DYSF: variants seen among roughly 807,000 people sequenced by gnomAD.
The protein encoded by DYSF is dystrophy-associated fer-1-like 1.
DYSF carries 212 observed loss-of-function variants against 274.9 expected under a neutral mutation model. The observed-to-expected ratio is 0.77, with a 90% CI of 0.69 to 0.86. The LOEUF (loss-of-function observed/expected upper bound fraction) is 0.86. Ranked by LOEUF, DYSF falls within the 40% of genes least tolerant of loss-of-function variation. The pLI is 0.00. For synonymous variants in DYSF, 1,091 were observed against 1,078.7 expected (o/e 1.01, Z -0.22); for missense variants, 2,666 against 2,783.2 (o/e 0.96, Z 0.95).
At chr2:71,632,197 AG>A (rs2094326365) in intron 41 of DYSF, among the ~76,000 whole-genome samples, 1 of 152,180 alleles carries the variant, frequency 6.6e-6, no homozygotes, top group Non-Finnish European at 1.5e-5. Flanking sequence ...AGTGCTTGGA[AG>A]TTGGTACAGC....
chr2:71,582,910 G>A (rs2092941908), intron 30 of DYSF, among the ~76,000 whole-genome samples: 1 of 151,924 alleles, frequency 6.6e-6, no homozygotes, highest in South Asian at 2.1e-4. Flanking sequence ...AGGCGTGGTG[G>A]CTCATGCCTG....
intron 30 of DYSF, among the ~76,000 whole-genome samples, chr2:71,588,443 G>A (rs1335916600): frequency 6.6e-6 from 1 of 152,120 alleles, no homozygotes; most frequent in African/African-American, 2.4e-5. Context: ...TAGTGGCAGT[G>A]GTGTCTTGTG....
At chr2:71,564,551 T>G (rs2091971321) in intron 24 of DYSF, among the ~76,000 whole-genome samples, 1 of 152,142 alleles carries the variant, frequency 6.6e-6, no homozygotes, top group Non-Finnish European at 1.5e-5. Flanking sequence ...GGAGGCCTCA[T>G]CCTCAGTTCC....
intron 3 of DYSF, among the ~76,000 whole-genome samples, chr2:71,490,796 A>G (rs1453220641): frequency 6.6e-6 from 1 of 152,144 alleles, no homozygotes; most frequent in South Asian, 2.1e-4. Context: ...CACATTTTTA[A>G]ATGGTTATGT....
intron 42 of DYSF, among the ~76,000 whole-genome samples, chr2:71,647,412 A>T (rs2094583822): frequency 1.3e-5 from 2 of 152,254 alleles, no homozygotes. Context: ...AATTAATAAC[A>T]AAAGTTTAAA....
intron 41 of DYSF, among the ~76,000 whole-genome samples, chr2:71,628,453 G>A (rs2094250778): frequency 6.7e-6 from 1 of 149,700 alleles, no homozygotes; most frequent in Non-Finnish European, 1.5e-5. Flanking sequence ...TTTTCCTGAA[G>A]TAGGGCCTAT....
intron 30 of DYSF, among the ~76,000 whole-genome samples, chr2:71,577,676 ACACT>A (rs1021685740): frequency 2.0e-5 from 3 of 151,762 alleles, no homozygotes; most frequent in Non-Finnish European, 4.4e-5. Context: ...GCACCCACAC[ACACT>A]CTTTCACACT....
In DYSF at chr2:71,551,025, C is replaced by A. The variant is rs2090905607; in HGVS notation, c.1577-16C>A. ...CCACTGGGCCGACCCCTCTGATTGC[C>A]ACTTGTGTCTCCCAGTGGATGACTA... is the stretch of plus-strand genomic sequence containing the variant. On this transcript the variant is annotated splice_polypyrimidine_tract_variant and intron_variant, in intron 17 of 55. Transcript: ENST00000410020. 1 of 1,611,766 alleles carries A rather than the reference C, an allele frequency of 6.2e-7. No homozygotes were observed.
At chr2:71,610,317 C>G (rs2093727707) in intron 36 of DYSF, among the ~76,000 whole-genome samples, 1 of 152,212 alleles carries the variant, frequency 6.6e-6, no homozygotes, top group African/African-American at 2.4e-5. Flanking sequence ...AACCCTCACC[C>G]TAACCTTTAG....
intron 10 of DYSF, among the ~76,000 whole-genome samples, chr2:71,519,091 TCAAA>T (rs1430543527): frequency 3.6e-3 from 38 of 10,536 alleles, no homozygotes; most frequent in Non-Finnish European, 7.0e-3. Flanking sequence ...ACACTCCATC[TCAAA>T]AAAAAAAAAA....
intron 53 of DYSF, 59 bp downstream of exon 53, chr2:71,679,294 T>C (rs953228695): frequency 4.0e-5 from 62 of 1,554,390 alleles, no homozygotes; most frequent in Non-Finnish European, 5.2e-5. Flanking sequence ...TCCATAGAAA[T>C]TGTCAGAAAA....
chr2:71,489,196 G>C (rs966791014), intron 3 of DYSF, among the ~76,000 whole-genome samples: 1 of 152,140 alleles, frequency 6.6e-6, no homozygotes, highest in African/African-American at 2.4e-5. Context: ...CCTTGCTCTT[G>C]TTCCCCCGTG....
chr2:71,520,296 C>T, intron 11 of DYSF, 88 bp downstream of exon 11: 2 of 1,435,096 alleles, frequency 1.4e-6, no homozygotes, highest in South Asian at 2.3e-5. Flanking sequence ...ACTGTCCCTC[C>T]TGGGGGTTTT....
intron 2 of DYSF, among the ~76,000 whole-genome samples, chr2:71,481,655 A>T (rs2082909170): frequency 6.6e-6 from 1 of 151,550 alleles, no homozygotes; most frequent in South Asian, 2.1e-4. Context: ...TCTTCAGCTC[A>T]TACTGTCACC....
In DYSF at chr2:71,679,238, A is replaced by G. The variant is rs759429849; in HGVS notation, c.6063+3A>G. The stretch of plus-strand genomic sequence containing the variant: ...AGGGTGAGAAGAAAATACTGGCGGT[A>G]AGTCTACTTCCTCCAGCCCCAGTGG... On this transcript the variant is annotated splice_donor_region_variant and intron_variant, in intron 53 of 55. Coordinates refer to ENST00000410020, the MANE Select transcript of DYSF (RefSeq NM_001130987.2). The G allele has an allele frequency of 1.2e-6, 2 of 1,613,842 alleles. No homozygotes were observed.
At chr2:71,510,316 ATC>A (rs764504370) in intron 4 of DYSF, among the ~76,000 whole-genome samples, 79 of 152,318 alleles carry the variant, frequency 5.2e-4, no homozygotes, top group Non-Finnish European at 1.1e-3. Flanking sequence ...CAGGTGTGGC[ATC>A]TGGGCGGAGG....
At chr2:71,588,048 G>A (rs879499141) in intron 30 of DYSF, among the ~76,000 whole-genome samples, 7 of 152,190 alleles carry the variant, frequency 4.6e-5, no homozygotes, top group Non-Finnish European at 7.3e-5. Context: ...ATCTGAAGAC[G>A]GGGAGGCCTG....
At chr2:71,589,555 G>T in intron 30 of DYSF, 38 bp from the exon 31 acceptor site, 1 of 1,578,522 alleles carries the variant, frequency 6.3e-7, no homozygotes. Context: ...CCCCAGGCCT[G>T]GGGGCAGAAT....
At chr2:71,544,866 C>T (rs888969087) in intron 17 of DYSF, among the ~76,000 whole-genome samples, 1 of 152,132 alleles carries the variant, frequency 6.6e-6, no homozygotes, top group Admixed American at 6.5e-5. Flanking sequence ...TTAGGAGATG[C>T]TTATTGAACA....
Sources: allele counts gnomAD v4.1 joint callset (sites outside exome capture counted in the v4.1 genomes callset), GRCh38; gene constraint gnomAD v4.1.1; transcripts MANE v1.5; gene names NCBI Gene and HGNC (gene_info 2026-07-23, HGNC 2026-07-21).